The following NEK1 variants were observed in gnomAD, a reference collection of about 807,000 sequenced individuals.
NEK1 encodes NIMA related kinase 1.
Under a neutral mutation model 182.1 loss-of-function variants are expected in NEK1, and 137 were observed. The observed-to-expected ratio is 0.75, with a 90% CI of 0.65 to 0.87. The LOEUF is 0.87. NEK1 is among the 40% of genes least tolerant of loss of function. NEK1 has a pLI of 0.00. For missense variants in NEK1, 1,391 were observed against 1,494.4 expected, an observed-to-expected ratio of 0.93 and a Z score of 1.14; for synonymous variants, 513 against 492.2, an observed-to-expected ratio of 1.04 and a Z score of -0.56.
chr4:169,411,134 T>C (rs1354304729), intron 31 of NEK1, among the ~76,000 whole-genome samples: 2 of 152,206 alleles, frequency 1.3e-5, no homozygotes, highest in South Asian at 2.1e-4. Flanking sequence ...AAAGCTCTTA[T>C]TGTGGGTTAA....
chr4:169,406,460 G>C (rs1452872700), intron 32 of NEK1, 136 bp downstream of exon 32: 1 of 544,102 alleles, frequency 1.8e-6, no homozygotes, highest in African/African-American at 2.0e-5. Context: ...TCTTAAAATA[G>C]ATAAAAATAA....
At chr4:169,427,097 A>C (rs533179328) in intron 29 of NEK1, among the ~76,000 whole-genome samples, 16 of 152,148 alleles carry the variant, frequency 1.1e-4, no homozygotes, top group Admixed American at 2.0e-4. Context: ...AATACTTTTA[A>C]ATTGGTTTCA....
At chr4:169,449,121 T>C (rs576055696) in intron 27 of NEK1, among the ~76,000 whole-genome samples, 1 of 152,354 alleles carries the variant, frequency 6.6e-6, no homozygotes, top group Admixed American at 6.5e-5. Context: ...CCGCCATTGC[T>C]GAGGCTTGAG....
intron 12 of NEK1, among the ~76,000 whole-genome samples, chr4:169,568,853 C>T (rs1406957590): frequency 1.3e-5 from 2 of 151,478 alleles, no homozygotes; most frequent in South Asian, 4.2e-4. Context: ...AGGAGAATTG[C>T]CTGAACCTGG....
chr4:169,603,705 CA>C (rs1340802027), intron 2 of NEK1, among the ~76,000 whole-genome samples: 2 of 123,656 alleles, frequency 1.6e-5, no homozygotes, highest in African/African-American at 4.0e-5. Flanking sequence ...ATTTATTGAA[CA>C]TTTTTTTTTT....
At chr4:169,511,437 T>C (rs924358022) in intron 19 of NEK1, among the ~76,000 whole-genome samples, 1 of 152,130 alleles carries the variant, frequency 6.6e-6, no homozygotes, top group Non-Finnish European at 1.5e-5. Flanking sequence ...CTATAGATGA[T>C]AACTTCCTTT....
At chr4:169,570,904 T>C (rs1320933868) in intron 12 of NEK1, among the ~76,000 whole-genome samples, 3 of 152,196 alleles carry the variant, frequency 2.0e-5, no homozygotes, top group Non-Finnish European at 4.4e-5. Flanking sequence ...CTCTGAAACA[T>C]GTGCTGTGTC....
chr4:169,578,411 A>C lies in NEK1; in HGVS notation c.869-1332T>G, dbSNP rs1401378245. Among the ~76,000 whole-genome samples, 5 of 152,174 alleles carry C rather than the reference A, an allele frequency of 3.3e-5. 1 individual carries two copies. The South Asian group carries it at 8.3e-4, about 25-fold the overall frequency. On this transcript the variant is annotated intron_variant, in intron 11 of 35. Transcript: ENST00000507142. ...TAGCTCAGGATTTTATATTGTGCTA[A>C]ATCAATTTAAATCAATCTCTTCCAG...
In NEK1 at chr4:169,550,906, C is replaced by G. The variant is rs1761330678; in HGVS notation, c.1562+4814G>C. On this transcript the variant is annotated intron_variant, in intron 18 of 35. Coordinates refer to ENST00000507142, the MANE Select transcript of NEK1 (RefSeq NM_001199397.3). ...TGAATGACATGGGCTGAGCCTATGC[C>G]CATGCCCATGAATGACCATGACAGT... 2.0e-5 allele frequency among the ~76,000 whole-genome samples: 3 copies of G among 152,160 alleles called. No individual in the cohort carries two copies. The South Asian group carries it at 6.2e-4, about 31-fold the overall frequency.
At chr4:169,586,855 G>A (rs1378093042) in intron 9 of NEK1, among the ~76,000 whole-genome samples, 1 of 151,690 alleles carries the variant, frequency 6.6e-6, no homozygotes, top group Non-Finnish European at 1.5e-5. Flanking sequence ...AAACTTTTGG[G>A]GAAGAAAAAA....
At position 169,477,144 on chromosome 4, in the gene NEK1, G is replaced by C. The variant is rs774674293; in HGVS notation, c.2414C>G (p.Thr805Arg). The C allele has an allele frequency of 2.5e-6, 4 of 1,601,886 alleles. No individual in the cohort carries two copies. In the South Asian group the frequency reaches 4.5e-5, roughly 18 times the overall value. ...CATACTTTCAGTTGTAGAGAAGGATGTATCTAGTGTTAACTCATCCAGAGG... is the reference window on the plus strand; with the variant it reads ...CATACTTTCAGTTGTAGAGAAGGATCTATCTAGTGTTAACTCATCCAGAGG... The part of the protein sequence containing the change: ...VIPLDELTLD[T>R]SFSTTERHTV... The change falls in exon 26 of 36, where the codon ACA (threonine) becomes AGA (arginine). Residue 805 changes from threonine to arginine, a missense_variant. Around this residue, in one of 5 missense-constraint regions of NEK1, gnomAD observed 1,216 missense variants for 1,277.6 expected, o/e 0.95. Coordinates refer to ENST00000507142, the MANE Select transcript of NEK1 (RefSeq NM_001199397.3).
At chr4:169,521,517 T>A (rs1323543169) in intron 19 of NEK1, among the ~76,000 whole-genome samples, 1 of 152,178 alleles carries the variant, frequency 6.6e-6, no homozygotes, top group Non-Finnish European at 1.5e-5. Context: ...TATTCGGCCA[T>A]CTTGGTTCCT....
intron 27 of NEK1, among the ~76,000 whole-genome samples, chr4:169,456,120 G>T (rs996514171): frequency 1.3e-5 from 2 of 151,996 alleles, no homozygotes; most frequent in Non-Finnish European, 2.9e-5. Flanking sequence ...ATAAACAGTG[G>T]GTCAATGAAG....
At chr4:169,576,896 TTA>T (rs1765764840) in intron 12 of NEK1, 30 bp downstream of exon 12, 1 of 1,555,302 alleles carries the variant, frequency 6.4e-7, no homozygotes, top group Non-Finnish European at 8.7e-7. Context: ...ATTGAATTTG[TTA>T]TTAACACATG....
At chr4:169,471,671 C>G (rs947276492) in intron 26 of NEK1, among the ~76,000 whole-genome samples, 1 of 152,176 alleles carries the variant, frequency 6.6e-6, no homozygotes, top group Non-Finnish European at 1.5e-5. Context: ...AGATCTGTTC[C>G]TCTCTTCAGA....
chr4:169,553,085 T>C (rs1354211364), intron 18 of NEK1, among the ~76,000 whole-genome samples: 1 of 152,084 alleles, frequency 6.6e-6, no homozygotes, highest in African/African-American at 2.4e-5. Context: ...AAAGCTTATA[T>C]GGAAAGACAA....
rs541969963 is a variant in NEK1 at position 169,607,905 on chromosome 4, T to C, written c.-49+4115A>G. Among the ~76,000 whole-genome samples, 22 of 152,004 alleles carry C rather than the reference T, an allele frequency of 1.4e-4. 1 individual carries two copies. The highest frequency in any genetic ancestry group is 3.4e-3 in the Middle Eastern group (1 of 294). On this transcript the variant is annotated intron_variant, in intron 2 of 35. Transcript: ENST00000507142. ...CTATAAAATGAACCAATAGAAAATA[T>C]TCAACAAAAAAACTGAGAGAAAAAT...
intron 19 of NEK1, among the ~76,000 whole-genome samples, chr4:169,526,988 T>A (rs2149774974): frequency 6.6e-6 from 1 of 151,706 alleles, no homozygotes; most frequent in East Asian, 1.9e-4. Flanking sequence ...ATAGAAAAAA[T>A]CCCCAAAAAT....
intron 16 of NEK1, among the ~76,000 whole-genome samples, 170 bp from the exon 17 acceptor site, chr4:169,556,265 C>G (rs969768423): frequency 2.0e-5 from 3 of 152,126 alleles, no homozygotes; most frequent in Non-Finnish European, 4.4e-5. Context: ...CCTATTATAA[C>G]TATTAACAAC....
Sources: allele counts gnomAD v4.1 joint callset (sites outside exome capture counted in the v4.1 genomes callset), GRCh38; gene constraint gnomAD v4.1.1; regional missense constraint gnomAD v4.1.1; transcripts MANE v1.5; gene names NCBI Gene and HGNC (gene_info 2026-07-23, HGNC 2026-07-21).